ANO9: variants seen among roughly 807,000 people sequenced by gnomAD.
ANO9 encodes anoctamin-9.
Under a neutral mutation model 100.5 loss-of-function variants are expected in ANO9, and 80 were observed. The observed-to-expected ratio is 0.80, with a 90% CI of 0.66 to 0.96. The LOEUF is 0.96. ANO9 is among the 40% of genes least tolerant of loss of function. ANO9 has a pLI of 0.00. For missense variants in ANO9, 1,064 were observed against 1,072.7 expected (o/e 0.99, Z 0.11); for synonymous variants, 473 against 435.6 (o/e 1.09, Z -1.07).
rs754136830 is a variant in ANO9 at position 421,019 on chromosome 11, C to T, written c.1416G>A (p.Met472Ile). 8.1e-6 allele frequency: 13 copies of T among 1,604,528 alleles called. No individual in the cohort carries two copies. The highest frequency in any genetic ancestry group is 9.4e-6 in the Non-Finnish European group (11 of 1,173,442). ...TGATGGCCATCTGCACGAAGAGGTC[C>T]ATCATGCAGCCGCTGGCGTGGCACT... Reference protein sequence around the residue: ...LEECHASGCMMDLFVQMAIIM... With the variant: ...LEECHASGCMIDLFVQMAIIM... The change falls in exon 17 of 23, where the codon ATG (methionine) becomes ATA (isoleucine). Residue 472 changes from methionine to isoleucine, a missense_variant. By Grantham distance (10) the Met-to-Ile change is conservative. Coordinates refer to ENST00000332826, the MANE Select transcript of ANO9 (RefSeq NM_001012302.3). This position sits in a 1 kb window ranked among gnomAD's most constrained non-coding sequence, Gnocchi z 6.8.
At chr11:441,807 C>G in intron 1 of ANO9, 114 bp downstream of exon 1, 1 of 1,467,842 alleles carries the variant, frequency 6.8e-7, no homozygotes. Context: ...GGACCCCCCC[C>G]ACACACACAG....
intron 3 of ANO9, 56 bp downstream of exon 3, chr11:433,759 T>A (rs1296178376): frequency 4.7e-6 from 7 of 1,489,340 alleles, no homozygotes; most frequent in African/African-American, 4.2e-5. Flanking sequence ...GCCCTGCCCC[T>A]CGCTGGACAC....
In ANO9 at chr11:432,350, C is replaced by CAA; in HGVS notation, c.351-298_351-297dup. On this transcript the variant is annotated intron_variant, in intron 4 of 22. Coordinates refer to ENST00000332826, the MANE Select transcript of ANO9 (RefSeq NM_001012302.3). The surrounding 1 kb of genome is among the most constrained non-coding windows in gnomAD (Gnocchi z 4.8). ...AAGCCCAGACCACAGCCCGCACCTG[C>CAA]AACCACACCTCCCACCTGCGGGCCC... is the stretch of plus-strand genomic sequence containing the variant. The CAA allele has an allele frequency of 2.0e-6, 1 of 491,202 alleles. No individual in the cohort carries two copies. The highest frequency in any genetic ancestry group is 3.6e-5 in the East Asian group (1 of 28,044). The allele number at this position is 491,202 out of a possible 1,614,324, so 30.4% of individuals were successfully genotyped here.
Position 432,841 on chromosome 11 carries a change from C to A in ANO9, c.350+473G>T. 1 of 159,702 alleles carries A rather than the reference C, an allele frequency of 6.3e-6. No individual in the cohort carries two copies. The highest frequency in any genetic ancestry group is 1.9e-4 in the South Asian group (1 of 5,268). 9.9% of individuals were successfully genotyped at this position (159,702 alleles called of 1,614,324 possible). ...GAGGGCCAGGCTTGGAGGCTCCCTC[C>A]TGGGCTGGAGGACTGGGGAGAAGCA... On this transcript the variant is annotated intron_variant, in intron 4 of 22. Transcript: ENST00000332826. The surrounding 1 kb of genome is among the most constrained non-coding windows in gnomAD (Gnocchi z 4.8).
At chr11:429,902 C>T (rs925294437) in intron 9 of ANO9, 84 bp from the exon 10 acceptor site, 19 of 501,086 alleles carry the variant, frequency 3.8e-5, no homozygotes, top group African/African-American at 3.2e-4. Flanking sequence ...GCAGGAAAGC[C>T]GGGGAAGGGG....
chr11:423,971 C>G (rs987295877), intron 15 of ANO9, among the ~76,000 whole-genome samples: 1 of 151,518 alleles, frequency 6.6e-6, no homozygotes, highest in African/African-American at 2.4e-5. Flanking sequence ...CGCAATGGTG[C>G]GATTTCAGTT....
rs1848154868 is a variant in ANO9 at position 421,091 on chromosome 11, C to T, written c.1393-49G>A. 1 of 1,580,876 alleles carries T rather than the reference C, an allele frequency of 6.3e-7. No homozygotes were observed. The highest frequency in any genetic ancestry group is 8.6e-7 in the Non-Finnish European group (1 of 1,157,174). On this transcript the variant is annotated intron_variant, in intron 16 of 22. Coordinates refer to ENST00000332826, the MANE Select transcript of ANO9 (RefSeq NM_001012302.3). This position sits in a 1 kb window ranked among gnomAD's most constrained non-coding sequence, Gnocchi z 6.8. Reference sequence around the variant, plus strand: ...TCAGGGAGGGGTCCTGGGGGACGGTCAGGGGAGCAGTGGCTCAGGGACAGG... The same window carrying T: ...TCAGGGAGGGGTCCTGGGGGACGGTTAGGGGAGCAGTGGCTCAGGGACAGG...
At chr11:431,807 G>T (rs755363885) in intron 6 of ANO9, 40 bp from the exon 7 acceptor site, 3 of 1,612,188 alleles carry the variant, frequency 1.9e-6, no homozygotes, top group Admixed American at 1.7e-5. Flanking sequence ...CCATCCCAGG[G>T]TCCCACCCCA....
rs1373918773 is a variant in ANO9, at chr11:421,780, T to C, written c.1335-582A>G. 6.6e-6 allele frequency among the ~76,000 whole-genome samples: 1 copy of C among 152,238 alleles called. No homozygotes were observed. The highest frequency in any genetic ancestry group is 1.5e-5 in the Non-Finnish European group (1 of 68,048). On this transcript the variant is annotated intron_variant, in intron 15 of 22. Transcript: ENST00000332826. This position sits in a 1 kb window ranked among gnomAD's most constrained non-coding sequence, Gnocchi z 6.8. ...ATTTTGTGTTTAAAATCACCTGCTTTCCATAATATGAGAAATACATGAACT... is the reference window on the plus strand; with the variant it reads ...ATTTTGTGTTTAAAATCACCTGCTTCCCATAATATGAGAAATACATGAACT...
intron 19 of ANO9, chr11:420,185 G>A: frequency 7.2e-7 from 1 of 1,389,660 alleles, no homozygotes. Context: ...TCCAGCCCCA[G>A]CCACTGGCAG....
At chr11:435,290 C>T (rs200881989) in intron 1 of ANO9, among the ~76,000 whole-genome samples, 16 of 61,914 alleles carry the variant, frequency 2.6e-4, no homozygotes, top group East Asian at 2.0e-3. Flanking sequence ...TCTAGTCTAG[C>T]ATAGCATAGC....
Position 421,379 on chromosome 11 carries a change from C to T in ANO9, c.1335-181G>A. 3.7e-6 allele frequency: 2 copies of T among 542,622 alleles called. No homozygotes were observed. Among genetic ancestry groups the T allele is most frequent in the South Asian group, 6.2e-5 (2 of 32,266 alleles). 33.6% of individuals were successfully genotyped at this position (542,622 alleles called of 1,614,324 possible). A position where few individuals can be genotyped will look rare whatever the true frequency, so the allele number is the denominator to read the frequency against. On this transcript the variant is annotated intron_variant, in intron 15 of 22. Transcript: ENST00000332826. This position sits in a 1 kb window ranked among gnomAD's most constrained non-coding sequence, Gnocchi z 6.8. ...ACCCGCACGTGGGCACGCACACACA[C>T]ACACACACACACAGGGGAGGCCACA...
At chr11:425,904 A>AT (rs1033122860) in intron 15 of ANO9, among the ~76,000 whole-genome samples, 21 of 85,612 alleles carry the variant, frequency 2.5e-4, no homozygotes, top group East Asian at 1.1e-3. Flanking sequence ...AATTTTTTGT[A>AT]TTTTTTTTTA....
chr11:418,842 G>A (rs1848001188), intron 21 of ANO9, 29 bp from the exon 22 acceptor site: 2 of 1,613,536 alleles, frequency 1.2e-6, no homozygotes, highest in African/African-American at 2.7e-5. Flanking sequence ...TGAGGTCAGG[G>A]GTCAGGAGTT....
rs1564927539 is a variant in ANO9 at position 433,384 on chromosome 11, G to A, written c.280C>T (p.Leu94Phe). The change falls in exon 4 of 23, where the codon CTC (leucine) becomes TTC (phenylalanine). Residue 94 changes from leucine to phenylalanine, a missense_variant. Physicochemically the swap from Leu to Phe is conservative, Grantham distance 22 (BLOSUM62 0). Transcript: ENST00000332826. ...GGGGCAGGCCCCTCAGGCTCCAGGAGGAGAGTGCGGTACAGGCCAAAGACA... is the reference window on the plus strand; with the variant it reads ...GGGGCAGGCCCCTCAGGCTCCAGGAAGAGAGTGCGGTACAGGCCAAAGACA... ...NSVFGLYRTL[L>F]LEPEGPAPHA... The A allele has an allele frequency of 1.2e-6, 2 of 1,613,180 alleles. No homozygotes were observed. The highest frequency in any genetic ancestry group is 1.7e-6 in the Non-Finnish European group (2 of 1,179,888).
chr11:420,963 C>A lies in ANO9; in HGVS notation c.1472G>T (p.Cys491Phe), dbSNP rs372617082. 6.2e-6 allele frequency: 10 copies of A among 1,605,968 alleles called. No homozygotes were observed. Among genetic ancestry groups the A allele is most frequent in the Non-Finnish European group, 8.5e-6 (10 of 1,175,280 alleles). ...IMGLKQTLSN[C>F]VEYLVPWVTH... is the part of the protein sequence containing the mutation. ...CACTCACGGGACCAGGTACTCGACG[C>A]AGTTGCTGAGCGTCTGCTTCAGGCC... Residue 491 changes from cysteine to phenylalanine, a missense_variant, in exon 17 of 23, where the codon TGC becomes TTC. Coordinates refer to ENST00000332826, the MANE Select transcript of ANO9 (RefSeq NM_001012302.3).
At chr11:428,901 C>T (rs1848693936) in intron 11 of ANO9, 75 bp from the exon 12 acceptor site, 6 of 1,407,776 alleles carry the variant, frequency 4.3e-6, no homozygotes, top group Admixed American at 3.7e-5. Context: ...CAGAGACACA[C>T]CTCACGGGTG....
At position 418,786 on chromosome 11, in the gene ANO9, A is replaced by G. The variant is rs762502699; in HGVS notation, c.2064T>C (p.Asp688=). The G allele has an allele frequency of 3.1e-6, 5 of 1,613,036 alleles. No individual in the cohort carries two copies. Among genetic ancestry groups the G allele is most frequent in the Non-Finnish European group, 4.2e-6 (5 of 1,179,986 alleles). The change falls in exon 22 of 23, where the codon GAT becomes GAC. Residue 688 remains aspartate (D), a synonymous_variant. Transcript: ENST00000332826. Reference sequence around the variant, plus strand: ...ACCAGAACTGCTCGGAGAAGTTGTAATCGGGGGGATTGCGGTAGTCCCTGT... The same window carrying G: ...ACCAGAACTGCTCGGAGAAGTTGTAGTCGGGGGGATTGCGGTAGTCCCTGT... ...CRYRDYRNPP[D]YNFSEQFWFL...
chr11:428,311 A>G, intron 14 of ANO9, 47 bp downstream of exon 14: 1 of 1,610,994 alleles, frequency 6.2e-7, no homozygotes, highest in African/African-American at 1.3e-5. Flanking sequence ...CCCAGCCCTG[A>G]GTCCTCCCGC....
Sources: allele counts gnomAD v4.1 joint callset (sites outside exome capture counted in the v4.1 genomes callset), GRCh38; gene constraint gnomAD v4.1.1; non-coding constraint Gnocchi (gnomAD v3.1); transcripts MANE v1.5; gene names NCBI Gene and HGNC (gene_info 2026-07-23, HGNC 2026-07-21).